SORCS2: variants seen among roughly 807,000 people sequenced by gnomAD.
SORCS2 encodes the protein VPS10 domain-containing receptor SorCS2.
SORCS2 carries 100 observed loss-of-function variants against 141.6 expected under a neutral mutation model. The ratio of observed to expected loss-of-function variants is 0.71; its 90% CI spans 0.60 to 0.83. SORCS2 has a LOEUF of 0.83. SORCS2 is among the 40% of genes least tolerant of loss of function. The pLI, the probability that SORCS2 is intolerant of heterozygous loss-of-function variation, is 0.00. For synonymous variants in SORCS2, 789 were observed against 676.9 expected (o/e 1.17, Z -2.57); for missense variants, 1,646 against 1,560.2 (o/e 1.05, Z -0.93).
Position 7,434,672 on chromosome 4 carries a change from T to C in SORCS2, c.548+38317T>C, listed in dbSNP as rs1452804724. 2.5e-6 allele frequency: 4 copies of C among 1,612,762 alleles called. No homozygotes were observed. The Admixed American group carries it at 6.7e-5, about 27-fold the overall frequency. ...AGCCCATTGCCAGCGGCGGCTGCTA[T>C]GTCCTGGCATACGTCGCAGGGCAGA... On this transcript the variant is annotated intron_variant, in intron 2 of 26. Transcript: ENST00000507866.
intron 1 of SORCS2, among the ~76,000 whole-genome samples, chr4:7,232,917 GT>G (rs1328187788): frequency 6.6e-6 from 1 of 152,218 alleles, no homozygotes; most frequent in African/African-American, 2.4e-5. Context: ...CCCTTGGGGA[GT>G]GTTTGGTCCC....
In SORCS2 at chr4:7,260,971, C is replaced by T. The variant is rs573827902; in HGVS notation, c.480+67845C>T. ...TCATAGCACTGAACTTAGTTGATCA[C>T]GGATCCCTGTTTTGTTGTTGTTTTT... On this transcript the variant is annotated intron_variant, in intron 1 of 26. Coordinates refer to ENST00000507866, the MANE Select transcript of SORCS2 (RefSeq NM_020777.3). Among the ~76,000 whole-genome samples, 18 of 152,310 alleles carry T rather than the reference C, an allele frequency of 1.2e-4. No homozygotes were observed. In the South Asian group the frequency reaches 2.5e-3, roughly 21 times the overall value.
rs747084101 is a variant in SORCS2, at chr4:7,664,319, T to C, written c.953-34T>C. Reference sequence around the variant, plus strand: ...GGGCCGTCTCTGGCTCCGGCTGGAGTCTGACCGCCTGGGTCGGCGCCTCTC... The same window carrying C: ...GGGCCGTCTCTGGCTCCGGCTGGAGCCTGACCGCCTGGGTCGGCGCCTCTC... On this transcript the variant is annotated intron_variant, in intron 6 of 26. Transcript: ENST00000507866. This position sits in a 1 kb window ranked among gnomAD's most constrained non-coding sequence, Gnocchi z 4.7. The C allele has an allele frequency of 8.9e-6, 14 of 1,581,052 alleles. No individual in the cohort carries two copies. Among genetic ancestry groups the C allele is most frequent in the Middle Eastern group, 1.7e-4 (1 of 5,784 alleles).
chr4:7,494,979 T>A (rs1462950680), intron 2 of SORCS2, among the ~76,000 whole-genome samples: 1 of 152,216 alleles, frequency 6.6e-6, no homozygotes, highest in Non-Finnish European at 1.5e-5. Flanking sequence ...GGAGCGCTTG[T>A]GAACACACCA....
At chr4:7,529,998 C>T (rs1203743101) in intron 2 of SORCS2, among the ~76,000 whole-genome samples, 2 of 152,130 alleles carry the variant, frequency 1.3e-5, no homozygotes, top group Non-Finnish European at 2.9e-5. Context: ...CTAGGAGAAA[C>T]CTTGTGACCC....
At chr4:7,279,034 AC>A (rs1447705983) in intron 1 of SORCS2, among the ~76,000 whole-genome samples, 2 of 151,872 alleles carry the variant, frequency 1.3e-5, no homozygotes, top group Admixed American at 6.6e-5. Flanking sequence ...GCAAACGAAT[AC>A]CCCACCCACC....
At chr4:7,524,648 G>A (rs1015632213) in intron 2 of SORCS2, among the ~76,000 whole-genome samples, 1 of 151,266 alleles carries the variant, frequency 6.6e-6, no homozygotes, top group African/African-American at 2.4e-5. Context: ...GGCCAGATAA[G>A]CAGCGCCGCC....
chr4:7,373,478 A>ATTTTTT lies in SORCS2; in HGVS notation c.481-22787_481-22782dup, dbSNP rs71173496. 4.9e-3 allele frequency among the ~76,000 whole-genome samples: 180 copies of ATTTTTT among 36,810 alleles called. 18 individuals carry two copies. Among genetic ancestry groups the ATTTTTT allele is most frequent in the Non-Finnish European group, 5.7e-3 (138 of 24,124 alleles). 24.1% of individuals were successfully genotyped at this position (36,810 alleles called of 152,430 possible). A position where few individuals can be genotyped will look rare whatever the true frequency, so the allele number is the denominator to read the frequency against. ...AACTTTTATATATATATATATATAT[A>ATTTTTT]TTTTTTTTTTTTTTTTTTTTTTTTT... is the stretch of plus-strand genomic sequence containing the variant. On this transcript the variant is annotated intron_variant, in intron 1 of 26. Transcript: ENST00000507866.
At position 7,416,696 on chromosome 4, in the gene SORCS2, GCACT is replaced by G. The variant is rs544074154; in HGVS notation, c.548+20349_548+20352del. On this transcript the variant is annotated intron_variant, in intron 2 of 26. Transcript: ENST00000507866. ...TGTGCACACTCAGACACGCATGCATGCACTCACTCACACTTGTGCACACACTCAG... is the reference window on the plus strand; with the variant it reads ...TGTGCACACTCAGACACGCATGCATGCACTCACACTTGTGCACACACTCAG... Among the ~76,000 whole-genome samples, 48 of 149,254 alleles carry G rather than the reference GCACT, an allele frequency of 3.2e-4. No homozygotes were observed. In the South Asian group the frequency reaches 4.1e-3, roughly 13 times the overall value.
At chr4:7,559,420 A>T (rs1714371220) in intron 3 of SORCS2, among the ~76,000 whole-genome samples, 1 of 152,098 alleles carries the variant, frequency 6.6e-6, no homozygotes, top group African/African-American at 2.4e-5. Context: ...GGAGGCCCAG[A>T]GCTCTCCTAG....
rs753375857 is a variant in SORCS2, at chr4:7,302,767, A to ATGTGTG, written c.481-93520_481-93519insGTGTGT. On this transcript the variant is annotated intron_variant, in intron 1 of 26. Transcript: ENST00000507866. The stretch of plus-strand genomic sequence containing the variant: ...GTCCGGCATCTAGTAGACAGTCCAC[A>ATGTGTG]TATGTGTGTGTGTGTGTGTGTGCGC... 3.5e-3 allele frequency among the ~76,000 whole-genome samples: 354 copies of ATGTGTG among 101,702 alleles called. 3 individuals are homozygous for ATGTGTG. The highest frequency in any genetic ancestry group is 9.9e-3 in the Middle Eastern group (2 of 202). 66.7% of individuals were successfully genotyped at this position (101,702 alleles called of 152,430 possible).
At chr4:7,690,432 G>A (rs1225108212) in intron 11 of SORCS2, among the ~76,000 whole-genome samples, 1 of 149,594 alleles carries the variant, frequency 6.7e-6, no homozygotes, top group Non-Finnish European at 1.5e-5. Flanking sequence ...GTGTGTGGGT[G>A]GGTGGATGGA....
intron 1 of SORCS2, among the ~76,000 whole-genome samples, chr4:7,268,130 C>A (rs1480506655): frequency 6.6e-6 from 1 of 152,204 alleles, no homozygotes; most frequent in Non-Finnish European, 1.5e-5. Flanking sequence ...CCTTGTGGGG[C>A]AGTCCATGGC....
intron 1 of SORCS2, among the ~76,000 whole-genome samples, chr4:7,250,880 T>C (rs1251230360): frequency 6.6e-6 from 1 of 152,244 alleles, no homozygotes; most frequent in African/African-American, 2.4e-5. Flanking sequence ...TAATATGGAC[T>C]CGTTGCCGGA....
intron 2 of SORCS2, among the ~76,000 whole-genome samples, chr4:7,451,094 G>C (rs1234202806): frequency 6.6e-6 from 1 of 152,164 alleles, no homozygotes; most frequent in Admixed American, 6.5e-5. Context: ...ATGAGTGACT[G>C]AGTGAGTGAA....
At chr4:7,580,017 T>C (rs769231245) in intron 3 of SORCS2, among the ~76,000 whole-genome samples, 4 of 152,116 alleles carry the variant, frequency 2.6e-5, no homozygotes, top group African/African-American at 9.7e-5. Context: ...TGCAAGTAGA[T>C]GTGTTTGTTT....
chr4:7,332,497 T>A (rs1719714670), intron 1 of SORCS2, among the ~76,000 whole-genome samples: 1 of 151,944 alleles, frequency 6.6e-6, no homozygotes, highest in Non-Finnish European at 1.5e-5. Context: ...GAAATCAGCT[T>A]CCCCCGACCC....
At chr4:7,242,766 A>G (rs899433157) in intron 1 of SORCS2, among the ~76,000 whole-genome samples, 3 of 152,190 alleles carry the variant, frequency 2.0e-5, no homozygotes, top group Non-Finnish European at 4.4e-5. Context: ...TACTTCCCCC[A>G]GGATTTGAGC....
At chr4:7,229,605 A>T (rs1266109993) in intron 1 of SORCS2, among the ~76,000 whole-genome samples, 1 of 152,238 alleles carries the variant, frequency 6.6e-6, no homozygotes, top group African/African-American at 2.4e-5. Context: ...TACTTGGCTC[A>T]TGCCCAGGGC....
Sources: allele counts gnomAD v4.1 joint callset (sites outside exome capture counted in the v4.1 genomes callset), GRCh38; gene constraint gnomAD v4.1.1; non-coding constraint Gnocchi (gnomAD v3.1); transcripts MANE v1.5; gene names NCBI Gene and HGNC (gene_info 2026-07-23, HGNC 2026-07-21).